Variants in KAT6B observed in about 807,000 individuals in gnomAD.
KAT6B encodes histone acetyltransferase KAT6B.
Under a neutral mutation model 187.5 loss-of-function variants are expected in KAT6B, and 10 were observed. The observed-to-expected ratio is 0.05, with a 90% CI of 0.03 to 0.09. KAT6B has a LOEUF of 0.09. Ranked by LOEUF, KAT6B falls within the 10% of genes least tolerant of loss-of-function variation. The probability of loss-of-function intolerance (pLI) is 1.00; values close to 1 mark genes in which losing one functional copy is unlikely to be tolerated. For synonymous variants in KAT6B, 861 were observed against 926.8 expected, an observed-to-expected ratio of 0.93 and a Z score of 1.29; for missense variants, 1,952 against 2,558.9, an observed-to-expected ratio of 0.76 and a Z score of 5.12.
In KAT6B at chr10:74,978,903, G is replaced by A. The variant is rs191629503; in HGVS notation, c.2116-321G>A. Among the ~76,000 whole-genome samples the A allele has an allele frequency of 5.3e-5, 8 of 152,182 alleles. No individual in the cohort carries two copies. The East Asian group carries it at 9.6e-4, about 18-fold the overall frequency. On this transcript the variant is annotated intron_variant, in intron 9 of 17. Coordinates refer to ENST00000287239, the MANE Select transcript of KAT6B (RefSeq NM_012330.4). The stretch of plus-strand genomic sequence containing the variant: ...ACAGATTGTTAAATCCAGTTCTATC[G>A]ACATTTGTATGTATTTATACCATAC...
intron 3 of KAT6B, among the ~76,000 whole-genome samples, chr10:74,868,456 G>T (rs2132370374): frequency 6.6e-6 from 1 of 152,264 alleles, no homozygotes; most frequent in Non-Finnish European, 1.5e-5. Context: ...TGCTGAAATT[G>T]TATGGCTCAT....
intron 3 of KAT6B, among the ~76,000 whole-genome samples, chr10:74,945,814 T>C (rs555265120): frequency 2.0e-5 from 3 of 152,234 alleles, no homozygotes; most frequent in Non-Finnish European, 4.4e-5. Context: ...GTAATTATAC[T>C]TAAGTAAAGG....
Position 74,948,024 on chromosome 10 carries a change from T to G in KAT6B, c.622-11946T>G, listed in dbSNP as rs542359181. On this transcript the variant is annotated intron_variant, in intron 3 of 17. Transcript: ENST00000287239. ...GAATGAGTCTTCTGCTACACAGAAT[T>G]AACTCCAAAAAACAAGGTCAGAGCT... Among the ~76,000 whole-genome samples the G allele has an allele frequency of 2.0e-5, 3 of 152,284 alleles. No homozygotes were observed. The East Asian group carries it at 5.8e-4, about 29-fold the overall frequency.
intron 13 of KAT6B, among the ~76,000 whole-genome samples, chr10:75,003,614 A>G (rs985689029): frequency 6.6e-6 from 1 of 152,108 alleles, no homozygotes; most frequent in Non-Finnish European, 1.5e-5. Context: ...TTTTAATAGG[A>G]TTCTAGTCTG....
chr10:74,907,232 G>A (rs1247640319), intron 3 of KAT6B, among the ~76,000 whole-genome samples: 1 of 152,182 alleles, frequency 6.6e-6, no homozygotes, highest in Non-Finnish European at 1.5e-5. Context: ...AACCCACCAC[G>A]ATTTGCTTAG....
At chr10:74,919,957 G>A (rs917590752) in intron 3 of KAT6B, among the ~76,000 whole-genome samples, 3 of 151,978 alleles carry the variant, frequency 2.0e-5, no homozygotes, top group African/African-American at 7.3e-5. Context: ...TTATCTCTTT[G>A]AATATAGTTA....
intron 4 of KAT6B, among the ~76,000 whole-genome samples, chr10:74,963,396 T>C (rs1355103477): frequency 6.6e-6 from 1 of 152,214 alleles, no homozygotes; most frequent in African/African-American, 2.4e-5. Flanking sequence ...GTTTTCAAAT[T>C]AGCAAATCTA....
intron 4 of KAT6B, among the ~76,000 whole-genome samples, chr10:74,966,630 T>G (rs1196103506): frequency 3.3e-5 from 5 of 152,256 alleles, no homozygotes; most frequent in African/African-American, 1.2e-4. Flanking sequence ...TGAATGAATA[T>G]GTATTATGGC....
intron 3 of KAT6B, among the ~76,000 whole-genome samples, chr10:74,932,910 C>T (rs1157760770): frequency 6.6e-6 from 1 of 152,182 alleles, no homozygotes; most frequent in Non-Finnish European, 1.5e-5. Flanking sequence ...CCAGGGAGAA[C>T]AAACAGGCTC....
chr10:74,825,404 G>T (rs1019891854), upstream of KAT6B, among the ~76,000 whole-genome samples: 3 of 150,210 alleles, frequency 2.0e-5, no homozygotes, highest in African/African-American at 7.3e-5. The surrounding 1 kb of genome is among the most constrained non-coding windows in gnomAD (Gnocchi z 5.0). Context: ...TCCGGGCTGC[G>T]CCCCCGGCCA....
chr10:75,010,945 G>A (rs1318677521), intron 13 of KAT6B, among the ~76,000 whole-genome samples: 1 of 152,188 alleles, frequency 6.6e-6, no homozygotes, highest in African/African-American at 2.4e-5. Context: ...TCATTTGTTT[G>A]GCGCAGATGC....
At chr10:75,028,137 T>C (rs1353716606) in intron 17 of KAT6B, among the ~76,000 whole-genome samples, 1 of 152,198 alleles carries the variant, frequency 6.6e-6, no homozygotes, top group Non-Finnish European at 1.5e-5. Flanking sequence ...TTAATTCCTT[T>C]CCCCTATATT....
chr10:74,936,724 A>G (rs1476078382), intron 3 of KAT6B, among the ~76,000 whole-genome samples: 2 of 152,182 alleles, frequency 1.3e-5, no homozygotes, highest in African/African-American at 2.4e-5. Context: ...TGCGGTGTGT[A>G]TATGACCTTA....
In KAT6B at chr10:75,031,513, G is replaced by A. The variant is rs962391272; in HGVS notation, c.*467G>A. 1 of 288,840 alleles carries A rather than the reference G, an allele frequency of 3.5e-6. No homozygotes were observed. The highest frequency in any genetic ancestry group is 6.5e-6 in the Non-Finnish European group (1 of 153,070). 17.9% of individuals were successfully genotyped at this position (288,840 alleles called of 1,614,324 possible). Reference sequence around the variant, plus strand: ...ACTTCAGCATGCCGCTAATGTCTTTGTTAGTGACAGTGCATTTTGTAGTAC... The same window carrying A: ...ACTTCAGCATGCCGCTAATGTCTTTATTAGTGACAGTGCATTTTGTAGTAC... On this transcript the variant is annotated 3_prime_UTR_variant, in exon 18 of 18. Transcript: ENST00000287239.
At chr10:74,976,413 C>T (rs1195806519) in intron 8 of KAT6B, 83 bp downstream of exon 8, 4 of 1,084,580 alleles carry the variant, frequency 3.7e-6, no homozygotes, top group African/African-American at 1.5e-5. Flanking sequence ...CAATCAATTC[C>T]TATTTGTCAC....
At chr10:74,918,423 A>T in intron 3 of KAT6B, among the ~76,000 whole-genome samples, 1 of 152,144 alleles carries the variant, frequency 6.6e-6, no homozygotes, top group Non-Finnish European at 1.5e-5. Flanking sequence ...AAATGAATAG[A>T]TATATGACTG....
At chr10:74,954,504 T>C (rs1465590910) in intron 3 of KAT6B, among the ~76,000 whole-genome samples, 2 of 152,148 alleles carry the variant, frequency 1.3e-5, no homozygotes, top group Non-Finnish European at 2.9e-5. Context: ...ATCCATTCCA[T>C]TGCTGGACAG....
intron 3 of KAT6B, among the ~76,000 whole-genome samples, chr10:74,871,569 T>A (rs528053659): frequency 1.9e-3 from 290 of 152,342 alleles, no homozygotes; most frequent in African/African-American, 6.8e-3. Flanking sequence ...TGGTGGCTAA[T>A]GCCTATAATC....
At position 75,021,157 on chromosome 10, in the gene KAT6B, T is replaced by C. The variant is rs766503557; in HGVS notation, c.2893T>C (p.Leu965=). 21 of 1,614,042 alleles carry C rather than the reference T, an allele frequency of 1.3e-5. No individual in the cohort carries two copies. The highest frequency in any genetic ancestry group is 2.7e-5 in the African/African-American group (2 of 74,932). The change falls in exon 15 of 18, where the codon TTG becomes CTG. Residue 965 remains leucine, a synonymous_variant. Coordinates refer to ENST00000287239, the MANE Select transcript of KAT6B (RefSeq NM_012330.4). Reference sequence around the variant, plus strand: ...CATCATTAGACGGGAAAAGTTGATATTGAGCCACATGGAAAAGCTGAAAAC... The same window carrying C: ...CATCATTAGACGGGAAAAGTTGATACTGAGCCACATGGAAAAGCTGAAAAC... ...FVIIRREKLI[L]SHMEKLKTCS... is the part of the protein sequence containing the mutation.
Sources: gnomAD v4.1 joint callset for allele counts (sites outside exome capture counted in the v4.1 genomes callset) on GRCh38, gnomAD v4.1.1 for gene constraint, Gnocchi (gnomAD v3.1) non-coding constraint, MANE v1.5 for transcripts, NCBI Gene and HGNC (gene_info 2026-07-23, HGNC 2026-07-21) for gene names.